The following CACHD1 variants were observed in gnomAD, a reference collection of about 807,000 sequenced individuals.
CACHD1 encodes the protein cache domain containing 1, also known as VWFA and cache domain-containing protein 1.
CACHD1 carries 71 observed loss-of-function variants against 138.7 expected under a neutral mutation model. The ratio of observed to expected loss-of-function variants is 0.51; its 90% CI spans 0.42 to 0.62. The LOEUF is 0.62. Among genes scored for constraint, CACHD1 ranks in the 20% least tolerant of loss-of-function variants. The pLI, the probability that CACHD1 is intolerant of heterozygous loss-of-function variation, is 0.00. For missense variants in CACHD1, 1,389 were observed against 1,625.3 expected (o/e 0.85, Z 2.50); for synonymous variants, 578 against 591.5 (o/e 0.98, Z 0.33).
At position 64,693,045 on chromosome 1, in the gene CACHD1, T is replaced by C. The variant is rs1342819859; in HGVS notation, c.*1484T>C. 6.6e-6 allele frequency: 1 copy of C among 152,650 alleles called. No homozygotes were observed. Among genetic ancestry groups the C allele is most frequent in the Non-Finnish European group, 1.5e-5 (1 of 68,046 alleles). 9.5% of individuals were successfully genotyped at this position (152,650 alleles called of 1,614,324 possible). ...TTGCAATCTAGTGAAATAAACCGTA[T>C]GCAATGGACCATTTTAGTGGCTACA... On this transcript the variant is annotated 3_prime_UTR_variant, in exon 27 of 27. Transcript: ENST00000651257.
At chr1:64,587,509 A>C (rs1647059854) in intron 3 of CACHD1, among the ~76,000 whole-genome samples, 1 of 152,212 alleles carries the variant, frequency 6.6e-6, no homozygotes, top group African/African-American at 2.4e-5. Flanking sequence ...GTCAACTCTT[A>C]AAATTCTTGC....
chr1:64,539,966 C>A (rs1646664688), intron 1 of CACHD1, among the ~76,000 whole-genome samples: 1 of 152,014 alleles, frequency 6.6e-6, no homozygotes, highest in Admixed American at 6.6e-5. Context: ...TTTTTTTATT[C>A]CTAATTTCTC....
At position 64,634,274 on chromosome 1, in the gene CACHD1, C is replaced by T; in HGVS notation, c.1006+14C>T. The T allele has an allele frequency of 6.2e-7, 1 of 1,605,714 alleles. No individual in the cohort carries two copies. The highest frequency in any genetic ancestry group is 1.3e-5 in the African/African-American group (1 of 74,744). On this transcript the variant is annotated intron_variant, in intron 7 of 26. Coordinates refer to ENST00000651257, the MANE Select transcript of CACHD1 (RefSeq NM_020925.4). ...AGTTCCAAGCAAGTGAGTGCGTTCT[C>T]TCAGAGGACTTAGAGGCATAGTAGA...
At chr1:64,646,688 C>T (rs1478238604) in intron 8 of CACHD1, among the ~76,000 whole-genome samples, 2 of 152,096 alleles carry the variant, frequency 1.3e-5, no homozygotes, top group Admixed American at 6.5e-5. Flanking sequence ...GCCAAGATTG[C>T]ACCACTGCAT....
intron 2 of CACHD1, among the ~76,000 whole-genome samples, chr1:64,551,983 T>C (rs558714282): frequency 6.6e-6 from 1 of 152,310 alleles, no homozygotes; most frequent in Admixed American, 6.5e-5. Flanking sequence ...TAAGAGATTT[T>C]TTGTGGGCGA....
intron 13 of CACHD1, among the ~76,000 whole-genome samples, chr1:64,661,424 T>A (rs1649436312): frequency 6.6e-6 from 1 of 152,188 alleles, no homozygotes; most frequent in Admixed American, 6.5e-5. Flanking sequence ...CACCCCATCT[T>A]ACTGCACTAG....
In CACHD1 at chr1:64,558,435, T is replaced by A. The variant is rs569875052; in HGVS notation, c.261+7779T>A. 2.0e-5 allele frequency among the ~76,000 whole-genome samples: 3 copies of A among 152,356 alleles called. No individual in the cohort carries two copies. In the East Asian group the frequency reaches 5.8e-4, roughly 29 times the overall value. ...AAAGCTGCAGCCCACCTTGCTTCCA[T>A]GCTCCTGATTTTCCTTTTCCTTGTT... is the stretch of plus-strand genomic sequence containing the variant. On this transcript the variant is annotated intron_variant, in intron 2 of 26. Transcript: ENST00000651257.
chr1:64,588,506 G>A (rs1647070891), intron 3 of CACHD1, among the ~76,000 whole-genome samples: 1 of 151,392 alleles, frequency 6.6e-6, no homozygotes, highest in Non-Finnish European at 1.5e-5. Context: ...TCAGCCTGCT[G>A]AGTAGCTGGG....
chr1:64,678,191 G>A lies in CACHD1; in HGVS notation c.3125G>A (p.Cys1042Tyr), dbSNP rs764693729. 6.2e-7 allele frequency: 1 copy of A among 1,612,798 alleles called. No individual in the cohort carries two copies. The highest frequency in any genetic ancestry group is 1.1e-5 in the South Asian group (1 of 90,702). ...DCFGVLDCEW[C>Y]MVDSDGKTHL... ...TTTGGGGTGCTGGATTGTGAATGGT[G>A]CATGGTGGACAGTGATGGAAAGACT... is the stretch of plus-strand genomic sequence containing the variant. The change falls in exon 23 of 27, where the codon TGC becomes TAC. Residue 1042 changes from cysteine (C) to tyrosine (Y), a missense_variant. Around this residue, in one of 5 missense-constraint regions of CACHD1, gnomAD observed 250 missense variants for 292.9 expected, o/e 0.85. Coordinates refer to ENST00000651257, the MANE Select transcript of CACHD1 (RefSeq NM_020925.4).
intron 3 of CACHD1, among the ~76,000 whole-genome samples, chr1:64,593,144 G>A (rs1352031645): frequency 1.3e-5 from 2 of 152,202 alleles, no homozygotes; most frequent in Non-Finnish European, 2.9e-5. Context: ...TGTTTGCTAA[G>A]CAGCTGAGAT....
chr1:64,655,311 C>T (rs754877275), intron 12 of CACHD1, among the ~76,000 whole-genome samples: 69 of 152,122 alleles, frequency 4.5e-4, no homozygotes, highest in Non-Finnish European at 8.8e-4. Context: ...TGTGTATATA[C>T]AGGCAGGTAT....
At chr1:64,559,135 C>T (rs1646819952) in intron 2 of CACHD1, among the ~76,000 whole-genome samples, 1 of 152,196 alleles carries the variant, frequency 6.6e-6, no homozygotes, top group Admixed American at 6.5e-5. Context: ...ATCCAGCAAT[C>T]CCATTATTGG....
rs190238872 is a variant in CACHD1, at chr1:64,559,029, C to T, written c.261+8373C>T. Among the ~76,000 whole-genome samples, 253 of 152,258 alleles carry T rather than the reference C, an allele frequency of 1.7e-3. 1 individual carries two copies. Among genetic ancestry groups the T allele is most frequent in the Admixed American group, 0.014 (218 of 15,296 alleles). ...TGGCGAGGTTGCAGAGAAAAGGGAACACTAATACACTGTTGGTGGGAGTGT... is the reference window on the plus strand; with the variant it reads ...TGGCGAGGTTGCAGAGAAAAGGGAATACTAATACACTGTTGGTGGGAGTGT... On this transcript the variant is annotated intron_variant, in intron 2 of 26. Coordinates refer to ENST00000651257, the MANE Select transcript of CACHD1 (RefSeq NM_020925.4).
At chr1:64,593,014 A>G (rs1299865342) in intron 3 of CACHD1, among the ~76,000 whole-genome samples, 1 of 152,200 alleles carries the variant, frequency 6.6e-6, no homozygotes, top group African/African-American at 2.4e-5. Flanking sequence ...GCATTTTAGG[A>G]GATGGGAATC....
intron 4 of CACHD1, among the ~76,000 whole-genome samples, chr1:64,609,248 C>G (rs549615882): frequency 2.4e-4 from 37 of 152,162 alleles, no homozygotes; most frequent in African/African-American, 8.9e-4. Flanking sequence ...GGTAACAATT[C>G]AATGAAAAGG....
intron 2 of CACHD1, among the ~76,000 whole-genome samples, chr1:64,570,453 A>G (rs561340676): frequency 6.6e-6 from 1 of 152,304 alleles, no homozygotes; most frequent in African/African-American, 2.4e-5. Flanking sequence ...CGGAGTCATG[A>G]GGAAGTGTCA....
chr1:64,550,713 T>G, intron 2 of CACHD1, 57 bp downstream of exon 2: 1 of 1,188,058 alleles, frequency 8.4e-7, no homozygotes, highest in Non-Finnish European at 1.2e-6. Context: ...TAGATGTGGC[T>G]TCGTCACTCT....
intron 1 of CACHD1, among the ~76,000 whole-genome samples, chr1:64,485,034 A>C (rs538368799): frequency 9.8e-4 from 150 of 152,322 alleles, no homozygotes; most frequent in African/African-American, 3.5e-3. Flanking sequence ...TGTTTGTCCG[A>C]GAAACTGCCG....
chr1:64,627,243 C>T (rs1648133292), intron 4 of CACHD1, among the ~76,000 whole-genome samples: 1 of 151,750 alleles, frequency 6.6e-6, no homozygotes, highest in African/African-American at 2.4e-5. Context: ...CCTGTCTCTA[C>T]AAAAATAAAA....
Sources: allele counts gnomAD v4.1 joint callset (sites outside exome capture counted in the v4.1 genomes callset), GRCh38; gene constraint gnomAD v4.1.1; regional missense constraint gnomAD v4.1.1; transcripts MANE v1.5; gene names NCBI Gene and HGNC (gene_info 2026-07-23, HGNC 2026-07-21).